Variants in ZFP1 observed in about 807,000 individuals in gnomAD.
The protein encoded by ZFP1 is zinc finger protein 1 homolog.
In ZFP1, 32 loss-of-function variants were observed where a neutral mutation model predicts 38.5. That is an observed-to-expected ratio of 0.83 (90% confidence interval 0.63 to 1.12). The LOEUF (loss-of-function observed/expected upper bound fraction) is 1.12. ZFP1 is among the 50% of genes most tolerant of loss of function. ZFP1 has a pLI of 0.00. For synonymous variants in ZFP1, 245 were observed against 168.8 expected (o/e 1.45, Z -3.50); for missense variants, 616 against 480.8 (o/e 1.28, Z -2.63).
upstream of ZFP1, among the ~76,000 whole-genome samples, chr16:75,147,323 G>A (rs924388729): frequency 8.5e-5 from 13 of 152,132 alleles, no homozygotes; most frequent in African/African-American, 3.1e-4. Flanking sequence ...GGTCACCCAA[G>A]CTGGAGTGCA....
At chr16:75,142,625 G>C in the ZFP1 span, among the ~76,000 whole-genome samples, 3,825 of 152,238 alleles carry the variant, frequency 0.025, 157 homozygotes, top group African/African-American at 0.087. Flanking sequence ...TAATTCTTCT[G>C]ACATACTGAA....
the ZFP1 span, among the ~76,000 whole-genome samples, chr16:75,140,595 G>A: frequency 3.3e-5 from 5 of 152,182 alleles, no homozygotes; most frequent in East Asian, 1.9e-4. Flanking sequence ...CTGGCATGGC[G>A]CCTGCCACCA....
intron 2 of ZFP1, among the ~76,000 whole-genome samples, chr16:75,162,225 C>G (rs8056670): frequency 6.6e-6 from 1 of 152,000 alleles, no homozygotes; most frequent in African/African-American, 2.4e-5. Flanking sequence ...TTGGCTCAAG[C>G]AATCCTCCCA....
intron 2 of ZFP1, among the ~76,000 whole-genome samples, chr16:75,165,666 C>T (rs1265595593): frequency 6.6e-6 from 1 of 152,110 alleles, no homozygotes; most frequent in Admixed American, 6.5e-5. Context: ...GGATTACAGG[C>T]CTGAGCCTGG....
the ZFP1 span, among the ~76,000 whole-genome samples, chr16:75,129,966 T>A: frequency 1.3e-5 from 2 of 152,156 alleles, no homozygotes; most frequent in Admixed American, 6.6e-5. Flanking sequence ...GAAAGACAAG[T>A]GTGTGGTTTG....
intron 2 of ZFP1, among the ~76,000 whole-genome samples, chr16:75,155,705 A>G (rs1348666633): frequency 7.9e-5 from 12 of 152,186 alleles, no homozygotes; most frequent in Non-Finnish European, 1.8e-4. Context: ...AAATTTTCTG[A>G]TTGAATCCAC....
chr16:75,136,839 C>T, the ZFP1 span, among the ~76,000 whole-genome samples: 1 of 151,858 alleles, frequency 6.6e-6, no homozygotes, highest in Non-Finnish European at 1.5e-5. Context: ...ACACTGTGCT[C>T]CAGCCTGGGC....
rs2038435768 is a variant in ZFP1, at chr16:75,171,557, C to G, written c.*1223C>G. ...AAATCAGATTTTTCAGTGGTCTCTC[C>G]AGATATTAACAAGAATTGTTGTGTA... On this transcript the variant is annotated 3_prime_UTR_variant, in exon 4 of 4. Transcript: ENST00000570010. 6.6e-6 allele frequency: 1 copy of G among 152,114 alleles called. No individual in the cohort carries two copies. The highest frequency in any genetic ancestry group is 1.5e-5 in the Non-Finnish European group (1 of 68,034). 9.4% of individuals were successfully genotyped at this position (152,114 alleles called of 1,614,324 possible).
Position 75,157,819 on chromosome 16 carries a change from C to G in ZFP1, c.15+4853C>G, listed in dbSNP as rs530808616. Among the ~76,000 whole-genome samples, 3 of 151,708 alleles carry G rather than the reference C, an allele frequency of 2.0e-5. No individual in the cohort carries two copies. The East Asian group carries it at 5.8e-4, about 30-fold the overall frequency. On this transcript the variant is annotated intron_variant, in intron 2 of 3. Transcript: ENST00000570010. Reference sequence around the variant, plus strand: ...TTGGTTGGTTGGTTTGTTTTGAGACCGGATCTGGCTCTGTTACCCAGGCTG... The same window carrying G: ...TTGGTTGGTTGGTTTGTTTTGAGACGGGATCTGGCTCTGTTACCCAGGCTG...
chr16:75,120,984 A>G, the ZFP1 span, among the ~76,000 whole-genome samples: 1 of 152,130 alleles, frequency 6.6e-6, no homozygotes, highest in Non-Finnish European at 1.5e-5. Flanking sequence ...TTTGTTTAAA[A>G]GAAGTTTTTT....
intron 2 of ZFP1, among the ~76,000 whole-genome samples, chr16:75,162,127 A>G (rs1040353616): frequency 6.6e-6 from 1 of 151,630 alleles, no homozygotes; most frequent in East Asian, 2.0e-4. Context: ...TAACTTCAGT[A>G]TGGTGCAGCT....
chr16:75,167,005 C>A, intron 3 of ZFP1, 109 bp downstream of exon 3: 1 of 1,514,980 alleles, frequency 6.6e-7, no homozygotes. Flanking sequence ...GGCCTAAGTC[C>A]TCAGGTATTA....
chr16:75,168,850 T>TC (rs1433139814), intron 3 of ZFP1, among the ~76,000 whole-genome samples: 1 of 152,142 alleles, frequency 6.6e-6, no homozygotes, highest in African/African-American at 2.4e-5. Context: ...CTTAGGTGTT[T>TC]CCCCTTAATT....
the ZFP1 span, among the ~76,000 whole-genome samples, chr16:75,134,948 G>C: frequency 6.6e-6 from 1 of 151,928 alleles, no homozygotes; most frequent in Admixed American, 6.6e-5. Flanking sequence ...CAGCTACTCG[G>C]GAGGCTGAGG....
the ZFP1 span, among the ~76,000 whole-genome samples, chr16:75,135,209 C>CAAAAA: frequency 1.9e-3 from 29 of 14,960 alleles, 10 homozygotes; most frequent in African/African-American, 6.1e-3. Context: ...GACCTTATCT[C>CAAAAA]AAAAAAAAAA....
At chr16:75,130,286 C>G in the ZFP1 span, among the ~76,000 whole-genome samples, 1 of 152,148 alleles carries the variant, frequency 6.6e-6, no homozygotes, top group Non-Finnish European at 1.5e-5. Context: ...CAGACATGAG[C>G]CACCATGTCC....
At chr16:75,130,536 A>G in the ZFP1 span, among the ~76,000 whole-genome samples, 1 of 152,162 alleles carries the variant, frequency 6.6e-6, no homozygotes, top group Non-Finnish European at 1.5e-5. Context: ...GCTTCTTAGT[A>G]CGCATGCTCA....
intron 2 of ZFP1, 45 bp downstream of exon 2, chr16:75,153,011 A>G (rs768506232): frequency 1.2e-6 from 2 of 1,610,418 alleles, no homozygotes; most frequent in South Asian, 1.1e-5. Flanking sequence ...AGTGCATTTA[A>G]GGAAGTTTAT....
At chr16:75,157,946 C>G (rs11642537) in intron 2 of ZFP1, among the ~76,000 whole-genome samples, 118,743 of 151,434 alleles carry the variant, frequency 0.78, 47,716 homozygotes, top group Non-Finnish European at 0.87. Context: ...CATGCTCAGG[C>G]AATTTTTGTA....
Sources: gnomAD v4.1 joint callset for allele counts (sites outside exome capture counted in the v4.1 genomes callset) on GRCh38, gnomAD v4.1.1 for gene constraint, MANE v1.5 for transcripts, NCBI Gene and HGNC (gene_info 2026-07-23, HGNC 2026-07-21) for gene names.